Variants in PCDHA2 observed in about 807,000 individuals in gnomAD.
PCDHA2 encodes protocadherin alpha-2.
PCDHA2 carries 58 observed loss-of-function variants against 66.0 expected under a neutral mutation model. The observed-to-expected ratio is 0.88, with a 90% CI of 0.71 to 1.09. The LOEUF (loss-of-function observed/expected upper bound fraction) is 1.09, where lower values mean the gene tolerates loss of function less well. Ranked by LOEUF, PCDHA2 falls within the 50% of genes least tolerant of loss-of-function variation. The probability of loss-of-function intolerance (pLI) is 0.00; values close to 1 mark genes in which losing one functional copy is unlikely to be tolerated. For synonymous variants in PCDHA2, 634 were observed against 554.0 expected (o/e 1.14, Z -2.03); for missense variants, 1,267 against 1,242.3 (o/e 1.02, Z -0.30).
chr5:140,993,462 TCACACACACACACACACACACACA>T (rs3836747), intron 3 of PCDHA2, among the ~76,000 whole-genome samples: 3 of 140,938 alleles, frequency 2.1e-5, no homozygotes, highest in African/African-American at 5.3e-5. Flanking sequence ...TCTTTCTTTC[TCACACACACACACACACACACACA>T]CACACACACA....
intron 1 of PCDHA2, among the ~76,000 whole-genome samples, chr5:140,912,310 A>G (rs936183695): frequency 4.0e-5 from 6 of 151,764 alleles, no homozygotes; most frequent in African/African-American, 1.2e-4. Context: ...AATCCAGTCA[A>G]GTTGACCCTC....
intron 1 of PCDHA2, chr5:140,968,527 G>T: frequency 3.1e-6 from 5 of 1,614,142 alleles, no homozygotes; most frequent in Non-Finnish European, 4.2e-6. Flanking sequence ...CAACCAACTC[G>T]TCAGCAGCCT....
intron 1 of PCDHA2, among the ~76,000 whole-genome samples, chr5:140,872,240 T>A (rs2053559781): frequency 6.6e-6 from 1 of 152,178 alleles, no homozygotes; most frequent in Non-Finnish European, 1.5e-5. Flanking sequence ...TTGTCTTTAT[T>A]CCTGTGATAA....
At chr5:140,975,750 CTA>C (rs2096680444) in intron 1 of PCDHA2, among the ~76,000 whole-genome samples, 2 of 152,118 alleles carry the variant, frequency 1.3e-5, no homozygotes, top group African/African-American at 4.8e-5. Flanking sequence ...CTCAAATATT[CTA>C]TGTCATAAAT....
intron 1 of PCDHA2, among the ~76,000 whole-genome samples, chr5:140,838,401 G>A (rs1214374292): frequency 2.6e-5 from 4 of 151,340 alleles, no homozygotes; most frequent in African/African-American, 9.8e-5. Flanking sequence ...TGGGATTACA[G>A]GAGTGAGCCA....
chr5:140,893,110 G>A (rs2063824937), intron 1 of PCDHA2, among the ~76,000 whole-genome samples: 1 of 152,124 alleles, frequency 6.6e-6, no homozygotes, highest in South Asian at 2.1e-4. Context: ...ATATTCCGTT[G>A]TGCATATACA....
intron 1 of PCDHA2, chr5:140,813,779 T>TA (rs1765377649): frequency 6.6e-6 from 1 of 152,298 alleles, no homozygotes; most frequent in Admixed American, 6.5e-5. Flanking sequence ...GAGGATCACT[T>TA]AAGCCCAGGA....
At chr5:140,856,746 A>G (rs996216348) in intron 1 of PCDHA2, 1 of 1,596,552 alleles carries the variant, frequency 6.3e-7, no homozygotes, top group Non-Finnish European at 8.6e-7. Context: ...CTGGTGTTAG[A>G]TGCCAATGAT....
chr5:140,816,854 G>A (rs1273778767), intron 1 of PCDHA2: 8 of 151,924 alleles, frequency 5.3e-5, no homozygotes, highest in Non-Finnish European at 7.4e-5. Flanking sequence ...TGTACTGTGG[G>A]CCCTCTGGAG....
intron 1 of PCDHA2, chr5:140,858,280 G>C (rs782403060): frequency 3.1e-6 from 5 of 1,597,578 alleles, no homozygotes; most frequent in Non-Finnish European, 4.3e-6. Context: ...GCGCGGTGGG[G>C]AGCTGGTCTT....
intron 1 of PCDHA2, among the ~76,000 whole-genome samples, chr5:140,951,625 A>T (rs2094607568): frequency 6.6e-6 from 1 of 152,114 alleles, no homozygotes; most frequent in African/African-American, 2.4e-5. Flanking sequence ...CAAGGGGGAA[A>T]CCTGCCCCAT....
chr5:140,833,109 T>G (rs1772297306), intron 1 of PCDHA2, among the ~76,000 whole-genome samples: 1 of 152,208 alleles, frequency 6.6e-6, no homozygotes, highest in Non-Finnish European at 1.5e-5. Context: ...TTTGACACTC[T>G]TCAAAGTCAT....
chr5:140,985,488 A>G (rs1554247116), intron 3 of PCDHA2, among the ~76,000 whole-genome samples: 1 of 152,156 alleles, frequency 6.6e-6, no homozygotes, highest in Non-Finnish European at 1.5e-5. Flanking sequence ...CCAGACTCAA[A>G]TAGAGCCTGC....
intron 1 of PCDHA2, chr5:140,871,457 GGGAAAGACA>G (rs782304525): frequency 6.2e-7 from 1 of 1,605,688 alleles, no homozygotes; most frequent in Non-Finnish European, 8.5e-7. Flanking sequence ...GAGGAGGAAG[GGGAAAGACA>G]GGAGCCAGGG....
chr5:140,858,072 C>T, intron 1 of PCDHA2: 1 of 1,597,752 alleles, frequency 6.3e-7, no homozygotes, highest in Non-Finnish European at 8.6e-7. Context: ...AGCCAGGCAC[C>T]CAAGGCCTCG....
At chr5:140,881,335 C>A in intron 1 of PCDHA2, 1 of 984,916 alleles carries the variant, frequency 1.0e-6, no homozygotes, top group Non-Finnish European at 1.2e-6. Context: ...ACCAGGACGC[C>A]GATTCGGGCT....
At chr5:140,877,403 G>A (rs199806507) in intron 1 of PCDHA2, 243 of 1,613,770 alleles carry the variant, frequency 1.5e-4, no homozygotes, top group Non-Finnish European at 1.9e-4. Flanking sequence ...GACGCTCCGC[G>A]CCACCGCCTG....
At chr5:140,884,651 T>C in intron 1 of PCDHA2, 1 of 1,604,404 alleles carries the variant, frequency 6.2e-7, no homozygotes. Context: ...GGACTCAGAA[T>C]GCTTGAAAGA....
At chr5:140,893,204 G>A (rs1207669882) in intron 1 of PCDHA2, among the ~76,000 whole-genome samples, 1 of 152,244 alleles carries the variant, frequency 6.6e-6, no homozygotes, top group African/African-American at 2.4e-5. Context: ...GCTGCAGTAA[G>A]TATGGGAGGT....
Sources: allele counts gnomAD v4.1 joint callset (sites outside exome capture counted in the v4.1 genomes callset), GRCh38; gene constraint gnomAD v4.1.1; transcripts MANE v1.5; gene names NCBI Gene and HGNC (gene_info 2026-07-23, HGNC 2026-07-21).